ARMC6: variants seen among roughly 807,000 people sequenced by gnomAD.
ARMC6 encodes armadillo repeat containing 6.
In ARMC6, 43 loss-of-function variants were observed where a neutral mutation model predicts 49.2. That is an observed-to-expected ratio of 0.87 (90% CI 0.69 to 1.13). The LOEUF is 1.13. Ranked by LOEUF, ARMC6 falls within the 50% of genes most tolerant of loss-of-function variation. The pLI is 0.00. For missense variants in ARMC6, 627 were observed against 682.0 expected, an observed-to-expected ratio of 0.92 and a Z score of 0.90; for synonymous variants, 262 against 289.6, an observed-to-expected ratio of 0.90 and a Z score of 0.97.
intron 2 of ARMC6, among the ~76,000 whole-genome samples, chr19:19,039,163 C>T (rs1384721498): frequency 1.3e-5 from 2 of 151,522 alleles, no homozygotes; most frequent in Non-Finnish European, 2.9e-5. Flanking sequence ...GAGACATGGT[C>T]TCCCTCTGTC....
intron 4 of ARMC6, among the ~76,000 whole-genome samples, chr19:19,048,930 C>CA (rs1365267345): frequency 5.3e-5 from 8 of 152,128 alleles, no homozygotes; most frequent in Non-Finnish European, 1.2e-4. Context: ...GTCTGACTTC[C>CA]AAAGGCAGGA....
intron 4 of ARMC6, among the ~76,000 whole-genome samples, chr19:19,047,248 G>A (rs927989829): frequency 6.6e-6 from 1 of 152,084 alleles, no homozygotes; most frequent in Non-Finnish European, 1.5e-5. Context: ...AGACACTGGG[G>A]TTTGCATCTC....
At chr19:19,045,832 T>C (rs1178666379) in intron 4 of ARMC6, among the ~76,000 whole-genome samples, 3 of 152,030 alleles carry the variant, frequency 2.0e-5, no homozygotes, top group African/African-American at 7.2e-5. Context: ...TTTGTATTTT[T>C]AGTAGAGACG....
At chr19:19,037,500 G>A (rs2059380276) in intron 2 of ARMC6, 2 of 457,406 alleles carry the variant, frequency 4.4e-6, no homozygotes, top group Non-Finnish European at 8.1e-6. Context: ...CCAAATAGCT[G>A]TAACTACAGG....
chr19:19,039,229 G>T, intron 2 of ARMC6: 1 of 343,198 alleles, frequency 2.9e-6, no homozygotes, highest in Non-Finnish European at 6.1e-6. Context: ...TGAACTCCTG[G>T]GCTCAAATGA....
chr19:19,036,465 A>G (rs2059369332), intron 2 of ARMC6, among the ~76,000 whole-genome samples: 1 of 152,170 alleles, frequency 6.6e-6, no homozygotes, highest in African/African-American at 2.4e-5. Flanking sequence ...TCACCTGTCA[A>G]TTTACATTGC....
chr19:19,039,636 G>C (rs892193312), intron 2 of ARMC6, among the ~76,000 whole-genome samples: 1 of 152,132 alleles, frequency 6.6e-6, no homozygotes, highest in Non-Finnish European at 1.5e-5. Flanking sequence ...CATTGGAATC[G>C]TGCAATATGA....
chr19:19,034,987 G>A lies in ARMC6; in HGVS notation c.29+749G>A, dbSNP rs1599625693. 2.6e-5 allele frequency among the ~76,000 whole-genome samples: 4 copies of A among 151,604 alleles called. No homozygotes were observed. The South Asian group carries it at 8.4e-4, about 32-fold the overall frequency. ...GGCCATTCTCCTGCCTCAGCCTCCC[G>A]AGTAGCTGGAAATACAGGCACCCGC... On this transcript the variant is annotated intron_variant, in intron 2 of 8. Coordinates refer to ENST00000535612, the MANE Select transcript of ARMC6 (RefSeq NM_001199196.2).
At chr19:19,042,650 C>A in intron 2 of ARMC6, 61 bp from the exon 3 acceptor site, 2 of 1,576,440 alleles carry the variant, frequency 1.3e-6, no homozygotes, top group Non-Finnish European at 1.7e-6. Flanking sequence ...TTCAAGGTGG[C>A]CAGGCCCTGC....
At chr19:19,048,188 A>G (rs1284305888) in intron 4 of ARMC6, among the ~76,000 whole-genome samples, 1 of 152,184 alleles carries the variant, frequency 6.6e-6, no homozygotes, top group Non-Finnish European at 1.5e-5. Context: ...TCTACTAAAA[A>G]TACAAAAATT....
chr19:19,039,041 C>T (rs10420559), intron 2 of ARMC6, among the ~76,000 whole-genome samples: 3,567 of 152,262 alleles, frequency 0.023, 135 homozygotes, highest in African/African-American at 0.082. Context: ...AGGCACAAGT[C>T]ATTGCTCAGT....
intron 2 of ARMC6, among the ~76,000 whole-genome samples, chr19:19,038,063 A>G (rs2059384276): frequency 6.6e-6 from 1 of 152,138 alleles, no homozygotes; most frequent in South Asian, 2.1e-4. Flanking sequence ...AGGAGCACGA[A>G]CCCTACTGTG....
chr19:19,043,138 C>T (rs2059423400), intron 3 of ARMC6, among the ~76,000 whole-genome samples: 1 of 152,240 alleles, frequency 6.6e-6, no homozygotes, highest in South Asian at 2.1e-4. Context: ...AAGAGACTTT[C>T]CCTGACCCTG....
At chr19:19,053,702 T>A (rs751250473) in intron 5 of ARMC6, among the ~76,000 whole-genome samples, 1 of 152,104 alleles carries the variant, frequency 6.6e-6, no homozygotes, top group South Asian at 2.1e-4. Context: ...GTGCAGCGCC[T>A]CTGGGCTCCA....
intron 3 of ARMC6, 113 bp downstream of exon 3, chr19:19,042,990 GT>G: frequency 7.8e-7 from 1 of 1,279,912 alleles, no homozygotes; most frequent in Non-Finnish European, 1.0e-6. Context: ...TAGAAACCAG[GT>G]GCCATTGGGC....
chr19:19,036,935 C>T (rs1425300827), intron 2 of ARMC6, among the ~76,000 whole-genome samples: 3 of 152,168 alleles, frequency 2.0e-5, no homozygotes, highest in Non-Finnish European at 4.4e-5. Flanking sequence ...CCTGTAATCC[C>T]AGCATGATGG....
intron 5 of ARMC6, among the ~76,000 whole-genome samples, chr19:19,053,751 A>G (rs1197383316): frequency 1.3e-5 from 2 of 151,966 alleles, no homozygotes; most frequent in Non-Finnish European, 2.9e-5. Flanking sequence ...ACGTCAGCCC[A>G]GTCCGTATGT....
intron 3 of ARMC6, 76 bp from the exon 4 acceptor site, chr19:19,043,916 T>G (rs1201844021): frequency 3.6e-6 from 5 of 1,396,178 alleles, no homozygotes; most frequent in Non-Finnish European, 5.1e-6. Flanking sequence ...GAGGTGTGAT[T>G]CCAGCAGGCC....
chr19:19,046,927 G>GTTTTTTTTTTTTTTTTTT (rs386388691), intron 4 of ARMC6, among the ~76,000 whole-genome samples: 14 of 104,366 alleles, frequency 1.3e-4, no homozygotes, highest in Non-Finnish European at 1.7e-4. Flanking sequence ...ATGCTCACCT[G>GTTTTTTTTTTTTTTTTTT]TTTTTTTTTT....
Sources: allele counts gnomAD v4.1 joint callset (sites outside exome capture counted in the v4.1 genomes callset), GRCh38; gene constraint gnomAD v4.1.1; transcripts MANE v1.5; gene names NCBI Gene and HGNC (gene_info 2026-07-23, HGNC 2026-07-21).